The following UGT1A7 variants were observed in gnomAD, a reference collection of about 807,000 sequenced individuals.
UGT1A7 encodes UDP glucuronosyltransferase family 1 member A7, also known as UDP-glucuronosyltransferase 1A7.
UGT1A7 carries 33 observed loss-of-function variants against 45.6 expected under a neutral mutation model. That is an observed-to-expected ratio of 0.72 (90% CI 0.55 to 0.97). The LOEUF (loss-of-function observed/expected upper bound fraction) is 0.97. Among genes scored for constraint, UGT1A7 ranks in the 50% least tolerant of loss-of-function variants. The pLI is 0.00. For synonymous variants in UGT1A7, 274 were observed against 250.6 expected (o/e 1.09, Z -0.88); for missense variants, 684 against 666.2 (o/e 1.03, Z -0.29).
chr2:233,694,266 C>T (rs1198459756), intron 1 of UGT1A7, among the ~76,000 whole-genome samples: 1 of 151,834 alleles, frequency 6.6e-6, no homozygotes. Context: ...CAGCGAACTA[C>T]AGCCTGTGAG....
At chr2:233,742,468 T>C (rs1293032566) in intron 1 of UGT1A7, among the ~76,000 whole-genome samples, 1 of 151,930 alleles carries the variant, frequency 6.6e-6, no homozygotes, top group East Asian at 1.9e-4. Flanking sequence ...CTTATTCCAG[T>C]AAACTCACAA....
intron 1 of UGT1A7, among the ~76,000 whole-genome samples, chr2:233,688,756 A>G (rs1000239457): frequency 4.6e-5 from 7 of 152,238 alleles, no homozygotes; most frequent in African/African-American, 1.7e-4. Context: ...CCATAATCAA[A>G]TGAACATGGC....
At chr2:233,695,228 C>G (rs530081428) in intron 1 of UGT1A7, among the ~76,000 whole-genome samples, 1 of 151,164 alleles carries the variant, frequency 6.6e-6, no homozygotes, top group Non-Finnish European at 1.5e-5. Flanking sequence ...TGGGTTCAAG[C>G]GATTCTCCTG....
chr2:233,760,166 G>A (rs2125979528), intron 1 of UGT1A7: 1 of 1,522,128 alleles, frequency 6.6e-7, no homozygotes, highest in African/African-American at 1.4e-5. Context: ...TACCTTTGTG[G>A]ACTGACAGCT....
intron 1 of UGT1A7, chr2:233,743,709 C>T (rs1301083285): frequency 7.3e-7 from 1 of 1,367,384 alleles, no homozygotes; most frequent in Non-Finnish European, 9.8e-7. Context: ...GCCCCCGCCT[C>T]GCCATAGCGG....
intron 1 of UGT1A7, among the ~76,000 whole-genome samples, chr2:233,762,910 G>A (rs1185953158): frequency 1.3e-5 from 2 of 152,074 alleles, no homozygotes; most frequent in Non-Finnish European, 2.9e-5. Flanking sequence ...CAGGGCTATT[G>A]AATTTATTAG....
At chr2:233,767,325 T>C (rs1479941821) in intron 2 of UGT1A7, among the ~76,000 whole-genome samples, 160 bp downstream of exon 2, 1 of 152,210 alleles carries the variant, frequency 6.6e-6, no homozygotes, top group Non-Finnish European at 1.5e-5. Flanking sequence ...TTGTTGTGGT[T>C]GTTGTCATTG....
Position 233,766,627 on chromosome 2 carries a change from T to G in UGT1A7, c.856-407T>G, listed in dbSNP as rs28900401. On this transcript the variant is annotated intron_variant, in intron 1 of 4. Transcript: ENST00000373426. ...CACCCTCTTCTACCCAGCACTTCCC[T>G]TCCCTACTTCCATATCATTTAAAGG... 9.6e-3 allele frequency among the ~76,000 whole-genome samples: 1,465 copies of G among 152,310 alleles called. 33 individuals are homozygous for G. The highest frequency in any genetic ancestry group is 0.033 in the African/African-American group (1,374 of 41,578).
intron 1 of UGT1A7, among the ~76,000 whole-genome samples, chr2:233,763,435 T>G (rs1698313873): frequency 6.6e-6 from 1 of 152,248 alleles, no homozygotes; most frequent in African/African-American, 2.4e-5. Flanking sequence ...GTTGCTTTAA[T>G]AAGTGCATTT....
intron 1 of UGT1A7, among the ~76,000 whole-genome samples, chr2:233,761,451 T>A (rs1697772637): frequency 6.6e-6 from 1 of 152,220 alleles, no homozygotes; most frequent in South Asian, 2.1e-4. Context: ...ATGCTGGGTT[T>A]GGGGCACCCT....
At chr2:233,692,820 C>G in intron 1 of UGT1A7, 1 of 1,432,178 alleles carries the variant, frequency 7.0e-7, no homozygotes, top group East Asian at 2.5e-5. Context: ...TTCATATTAA[C>G]CATGTGATTA....
intron 1 of UGT1A7, chr2:233,747,278 C>A (rs925407656): frequency 4.4e-6 from 7 of 1,599,166 alleles, no homozygotes; most frequent in Middle Eastern, 3.5e-4. Context: ...CTTCTCAGTG[C>A]CCAGCCCTGG....
chr2:233,687,857 A>G (rs947298968), intron 1 of UGT1A7, among the ~76,000 whole-genome samples: 4 of 152,194 alleles, frequency 2.6e-5, no homozygotes, highest in African/African-American at 9.6e-5. Flanking sequence ...GCAGTAAGCC[A>G]TGACTATTCC....
At chr2:233,757,332 C>A (rs1696493928) in intron 1 of UGT1A7, among the ~76,000 whole-genome samples, 1 of 150,622 alleles carries the variant, frequency 6.6e-6, no homozygotes, top group Non-Finnish European at 1.5e-5. Flanking sequence ...TGAAATGGGA[C>A]CATGACAGCT....
chr2:233,693,984 A>G, intron 1 of UGT1A7: 1 of 1,550,602 alleles, frequency 6.4e-7, no homozygotes, highest in Non-Finnish European at 8.7e-7. Context: ...CGGTGGGGGG[A>G]AGTGATACCC....
At chr2:233,721,693 G>A (rs905890959) in intron 1 of UGT1A7, 13 of 351,018 alleles carry the variant, frequency 3.7e-5, no homozygotes, top group African/African-American at 6.4e-5. Context: ...TCTGCAAGAC[G>A]CATGGCTCAT....
At chr2:233,713,329 G>T (rs1283869800) in intron 1 of UGT1A7, 2 of 1,614,226 alleles carry the variant, frequency 1.2e-6, no homozygotes, top group South Asian at 1.1e-5. Context: ...TTTTCTAGAA[G>T]AATGGCAATT....
chr2:233,708,093 A>G (rs1032975136), intron 1 of UGT1A7, among the ~76,000 whole-genome samples: 2 of 152,222 alleles, frequency 1.3e-5, no homozygotes, highest in African/African-American at 4.8e-5. Context: ...ATTCAAACGA[A>G]TTAGAATAAA....
chr2:233,755,063 G>C (rs776771090), intron 1 of UGT1A7: 3 of 1,334,898 alleles, frequency 2.2e-6, no homozygotes, highest in Non-Finnish European at 3.0e-6. Context: ...CCCTCGCCTC[G>C]CCATAGCGGT....
Sources: allele counts gnomAD v4.1 joint callset (sites outside exome capture counted in the v4.1 genomes callset), GRCh38; gene constraint gnomAD v4.1.1; transcripts MANE v1.5; gene names NCBI Gene and HGNC (gene_info 2026-07-23, HGNC 2026-07-21).